Variants in P2RY14 observed in about 807,000 individuals in gnomAD.
P2RY14 encodes the protein P2Y purinoceptor 14.
A neutral mutation model predicts 0.9 loss-of-function variants in P2RY14; 2 were observed. The ratio of observed to expected loss-of-function variants is 2.16; its 90% CI spans 0.88 to 6.79. The LOEUF is 6.79. P2RY14 is among the 30% of genes most tolerant of loss of function. The pLI is 0.05. For missense variants in P2RY14, 378 were observed against 400.1 expected (o/e 0.94, Z 0.47); for synonymous variants, 158 against 147.2 (o/e 1.07, Z -0.53).
At chr3:151,256,713 G>C (rs964212621) in intron 1 of P2RY14, among the ~76,000 whole-genome samples, 2 of 151,792 alleles carry the variant, frequency 1.3e-5, no homozygotes, top group Non-Finnish European at 2.9e-5. Context: ...AGTAAAGGCA[G>C]GAAACATTTA....
intron 1 of P2RY14, among the ~76,000 whole-genome samples, chr3:151,227,678 G>A (rs539383583): frequency 8.5e-5 from 13 of 152,174 alleles, no homozygotes; most frequent in Non-Finnish European, 1.2e-4. Context: ...CAGTCTTCCC[G>A]AATGGCAAAC....
chr3:151,234,404 T>C (rs563121992), intron 1 of P2RY14, among the ~76,000 whole-genome samples: 2 of 152,228 alleles, frequency 1.3e-5, no homozygotes, highest in Admixed American at 6.5e-5. Flanking sequence ...GAGCTGAGAT[T>C]TGAATCGAGG....
rs753369434 is a variant in P2RY14, at chr3:151,214,089, G to A, written c.228C>T (p.Phe76=). The A allele has an allele frequency of 6.4e-5, 104 of 1,614,014 alleles. No homozygotes were observed. The highest frequency in any genetic ancestry group is 8.5e-7 in the Non-Finnish European group (1 of 1,179,992). The part of the protein sequence containing the change: ...ADFVMSLTFP[F]KILGDSGLGP... The stretch of plus-strand genomic sequence containing the variant: ...CAAGGCCTGAGTCACCAAGGATCTT[G>A]AAAGGAAAAGTCAGGCTCATCACAA... The change falls in exon 3 of 3, where the codon TTC becomes TTT. Residue 76 remains phenylalanine, a synonymous_variant. Coordinates refer to ENST00000309170, the MANE Select transcript of P2RY14 (RefSeq NM_014879.4).
rs140553172 is a variant in P2RY14, at chr3:151,213,494, A to G, written c.823T>C (p.Tyr275His). The change falls in exon 3 of 3, where the codon TAT becomes CAT. Residue 275 changes from tyrosine (Y) to histidine (H), a missense_variant. Coordinates refer to ENST00000309170, the MANE Select transcript of P2RY14 (RefSeq NM_014879.4). ...AGTAGCAGAGTGAATTCTTTCATATACCGCAAGATTTCTTTTGACTGGCAG... is the reference window on the plus strand; with the variant it reads ...AGTAGCAGAGTGAATTCTTTCATATGCCGCAAGATTTCTTTTGACTGGCAG... ...YSCQSKEILR[Y>H]MKEFTLLLSA... 949 of 1,614,108 alleles carry G rather than the reference A, an allele frequency of 5.9e-4. 8 individuals carry two copies. The African/African-American group carries it at 0.011, about 19-fold the overall frequency.
At chr3:151,238,002 C>T (rs1190547913) in intron 1 of P2RY14, among the ~76,000 whole-genome samples, 1 of 152,042 alleles carries the variant, frequency 6.6e-6, no homozygotes, top group Non-Finnish European at 1.5e-5. Context: ...ACTGTTTTCA[C>T]TTTTAAAGTT....
intron 1 of P2RY14, among the ~76,000 whole-genome samples, chr3:151,251,298 T>A (rs529246190): frequency 6.6e-6 from 1 of 152,282 alleles, no homozygotes; most frequent in South Asian, 2.1e-4. Context: ...TTTGTGATAA[T>A]ACCATCTACC....
intron 1 of P2RY14, among the ~76,000 whole-genome samples, chr3:151,245,379 T>A (rs1406074959): frequency 6.6e-6 from 1 of 151,124 alleles, no homozygotes; most frequent in Non-Finnish European, 1.5e-5. Flanking sequence ...AATAAAATAC[T>A]GGCAAACTGA....
intron 1 of P2RY14, chr3:151,241,955 A>C (rs1302173768): frequency 6.5e-6 from 1 of 153,440 alleles, no homozygotes; most frequent in Non-Finnish European, 1.4e-5. Context: ...GCACTGCCTC[A>C]CTTGGGAAGC....
intron 1 of P2RY14, among the ~76,000 whole-genome samples, chr3:151,224,262 G>A (rs1161616476): frequency 6.6e-6 from 1 of 151,248 alleles, no homozygotes. Flanking sequence ...CTTCCTTTCA[G>A]TCCAGACATC....
chr3:151,245,944 A>G (rs1338671884), intron 1 of P2RY14, among the ~76,000 whole-genome samples: 5 of 150,860 alleles, frequency 3.3e-5, no homozygotes, highest in African/African-American at 9.8e-5. Flanking sequence ...AAATCAATGT[A>G]CAAAAATCAC....
chr3:151,223,974 G>GAAA (rs1235683261), intron 1 of P2RY14, among the ~76,000 whole-genome samples: 1 of 152,214 alleles, frequency 6.6e-6, no homozygotes, highest in Non-Finnish European at 1.5e-5. Flanking sequence ...GTTGGACTTT[G>GAAA]CTGTATCTGT....
chr3:151,252,602 G>A (rs139168854), intron 1 of P2RY14, among the ~76,000 whole-genome samples: 84 of 152,136 alleles, frequency 5.5e-4, no homozygotes, highest in African/African-American at 1.8e-3. Flanking sequence ...CTTGTGTTTC[G>A]TAAATGATAC....
intron 1 of P2RY14, among the ~76,000 whole-genome samples, chr3:151,225,939 A>T (rs535093970): frequency 6.6e-6 from 1 of 152,286 alleles, no homozygotes; most frequent in South Asian, 2.1e-4. Context: ...AGTACATTGT[A>T]ACCTTTGGCT....
intron 1 of P2RY14, among the ~76,000 whole-genome samples, chr3:151,238,832 T>C (rs1733461721): frequency 6.6e-6 from 1 of 152,252 alleles, no homozygotes; most frequent in Non-Finnish European, 1.5e-5. Flanking sequence ...CTACTTATGA[T>C]TGTCTAGAGG....
intron 1 of P2RY14, among the ~76,000 whole-genome samples, chr3:151,248,512 C>A (rs368621704): frequency 2.6e-5 from 4 of 152,050 alleles, no homozygotes; most frequent in African/African-American, 9.7e-5. Context: ...TATCATAACC[C>A]AGCTGTACTG....
intron 1 of P2RY14, among the ~76,000 whole-genome samples, chr3:151,237,702 G>A (rs1733199332): frequency 6.6e-6 from 1 of 152,118 alleles, no homozygotes; most frequent in Non-Finnish European, 1.5e-5. Context: ...TACCAATGAT[G>A]TGTAGTGATC....
intron 1 of P2RY14, among the ~76,000 whole-genome samples, chr3:151,243,957 G>A (rs1184082683): frequency 1.4e-5 from 2 of 146,116 alleles, no homozygotes; most frequent in Admixed American, 6.9e-5. Context: ...AAAAGGCAGG[G>A]GTTGCAATAC....
intron 2 of P2RY14, among the ~76,000 whole-genome samples, chr3:151,214,758 G>A (rs532171462): frequency 1.3e-5 from 2 of 152,072 alleles, no homozygotes; most frequent in East Asian, 3.9e-4. Flanking sequence ...AAATAATAAT[G>A]GTTCCCTATA....
intron 1 of P2RY14, among the ~76,000 whole-genome samples, chr3:151,227,263 C>T (rs1308307723): frequency 6.6e-6 from 1 of 152,176 alleles, no homozygotes; most frequent in African/African-American, 2.4e-5. Context: ...ATTGCAGATA[C>T]CCAAGAACTT....
Sources: allele counts gnomAD v4.1 joint callset (sites outside exome capture counted in the v4.1 genomes callset), GRCh38; gene constraint gnomAD v4.1.1; transcripts MANE v1.5; gene names NCBI Gene and HGNC (gene_info 2026-07-23, HGNC 2026-07-21).